SLC17A2: variants seen among roughly 807,000 people sequenced by gnomAD.
The protein encoded by SLC17A2 is sodium-dependent phosphate transport protein 3.
In SLC17A2, 38 loss-of-function variants were observed where a neutral mutation model predicts 52.1. The ratio of observed to expected loss-of-function variants is 0.73; its 90% confidence interval spans 0.56 to 0.96. The LOEUF is 0.96. Among genes scored for constraint, SLC17A2 ranks in the 40% least tolerant of loss-of-function variants. The pLI is 0.00. For synonymous variants in SLC17A2, 226 were observed against 211.9 expected, an observed-to-expected ratio of 1.07 and a Z score of -0.58; for missense variants, 508 against 583.9, an observed-to-expected ratio of 0.87 and a Z score of 1.34.
chr6:25,928,393 A>C (rs548318673), intron 1 of SLC17A2, among the ~76,000 whole-genome samples: 1 of 152,130 alleles, frequency 6.6e-6, no homozygotes, highest in Non-Finnish European at 1.5e-5. Context: ...TGAGCTTTGA[A>C]TATTAAACAT....
At position 25,915,492 on chromosome 6, in the gene SLC17A2, C is replaced by T. The variant is rs543967797; in HGVS notation, c.1211+7G>A. ...GGAGGAGGGGAAAAAACAGGTAGAG[C>T]TCTTACCTGGGGGCGATATCTAAGG... On this transcript the variant is annotated splice_region_variant and intron_variant, in intron 10 of 11. Coordinates refer to ENST00000377850, the MANE Select transcript of SLC17A2 (RefSeq NM_001286123.3). The T allele has an allele frequency of 2.5e-5, 38 of 1,547,994 alleles. No homozygotes were observed. The African/African-American group carries it at 4.5e-4, about 18-fold the overall frequency.
At chr6:25,915,160 T>TAC (rs1416544323) in intron 10 of SLC17A2, among the ~76,000 whole-genome samples, 1 of 114,056 alleles carries the variant, frequency 8.8e-6, no homozygotes, top group Non-Finnish European at 1.7e-5. Context: ...TATATATATA[T>TAC]ATATATATAT....
Position 25,915,513 on chromosome 6 carries a change from T to G in SLC17A2, c.1197A>C (p.Leu399Phe). 1 of 1,553,764 alleles carries G rather than the reference T, an allele frequency of 6.4e-7. No individual in the cohort carries two copies. The highest frequency in any genetic ancestry group is 1.2e-5 in the South Asian group (1 of 84,412). The change falls in exon 10 of 12, where the codon TTA (leucine) becomes TTC (phenylalanine). Residue 399 changes from leucine to phenylalanine, a missense_variant. By Grantham distance (22) the Leu-to-Phe change is conservative. Transcript: ENST00000377850. ...LCDSGFIINT[L>F]DIAPRYASFL... Reference sequence around the variant, plus strand: ...AGAGCTCTTACCTGGGGGCGATATCTAAGGTGTTGATGATAAACCCTGAGT... The same window carrying G: ...AGAGCTCTTACCTGGGGGCGATATCGAAGGTGTTGATGATAAACCCTGAGT...
In SLC17A2 at chr6:25,925,911, C is replaced by G. The variant is rs1766747844; in HGVS notation, c.-83-32G>C. 1.5e-5 allele frequency: 16 copies of G among 1,102,762 alleles called. No homozygotes were observed. In the Admixed American group the frequency reaches 2.7e-4, roughly 19 times the overall value. The allele number at this position is 1,102,762 out of a possible 1,614,324, so 68.3% of individuals were successfully genotyped here. On this transcript the variant is annotated intron_variant, in intron 1 of 11. Coordinates refer to ENST00000377850, the MANE Select transcript of SLC17A2 (RefSeq NM_001286123.3). Reference sequence around the variant, plus strand: ...AGAGAACATAATCCAAAACATAATACACAAATAATTTCCCCTTGTTAATGT... The same window carrying G: ...AGAGAACATAATCCAAAACATAATAGACAAATAATTTCCCCTTGTTAATGT...
At chr6:25,925,965 T>C (rs1766750508) in intron 1 of SLC17A2, 86 bp from the exon 2 acceptor site, 1 of 732,774 alleles carries the variant, frequency 1.4e-6, no homozygotes, top group Non-Finnish European at 2.5e-6. Flanking sequence ...GTAAAAGTTT[T>C]GACCCAACAC....
At chr6:25,916,925 T>A in intron 7 of SLC17A2, 44 bp downstream of exon 7, 1 of 1,604,224 alleles carries the variant, frequency 6.2e-7, no homozygotes. Flanking sequence ...CACCCTGCCC[T>A]AGAGACCTCT....
At chr6:25,929,176 C>T (rs73385071) in intron 1 of SLC17A2, among the ~76,000 whole-genome samples, 4,783 of 152,156 alleles carry the variant, frequency 0.031, 240 homozygotes, top group African/African-American at 0.1. Context: ...AGAGCATGAA[C>T]CTGCAGTGGG....
intron 3 of SLC17A2, 57 bp downstream of exon 3, chr6:25,923,638 G>T: frequency 7.8e-7 from 1 of 1,284,280 alleles, no homozygotes; most frequent in Non-Finnish European, 1.1e-6. Flanking sequence ...CAAGATCTAT[G>T]CCTTCCTTTC....
chr6:25,915,171 ATATATATG>A (rs1766258284), intron 10 of SLC17A2, among the ~76,000 whole-genome samples: 1 of 130,840 alleles, frequency 7.6e-6, no homozygotes, highest in African/African-American at 3.0e-5. Context: ...ATATATATAT[ATATATATG>A]GTAGCTAATA....
chr6:25,913,568 G>T, intron 11 of SLC17A2, 117 bp from the exon 12 acceptor site: 2 of 949,002 alleles, frequency 2.1e-6, no homozygotes, highest in Non-Finnish European at 1.6e-6. Flanking sequence ...GGAACAATGT[G>T]CAGTAGTTAC....
In SLC17A2 at chr6:25,923,881, A is replaced by C; in HGVS notation, c.54T>G (p.Tyr18Ter). ...AGAAGTGCATGATAAGAGCCAGCCC[A>C]TAGCGTAATGAACAGAAATCTGGAC... ...RKGPDFCSLR[Y>*]GLALIMHFSN... Residue 18 changes from tyrosine to a stop codon, truncating the protein, a stop_gained, in exon 3 of 12, where the codon TAT (tyrosine) becomes TAG (stop). Coordinates refer to ENST00000377850, the MANE Select transcript of SLC17A2 (RefSeq NM_001286123.3). LOFTEE classifies it high-confidence loss of function. 2 of 1,614,186 alleles carry C rather than the reference A, an allele frequency of 1.2e-6. No individual in the cohort carries two copies. Among genetic ancestry groups the C allele is most frequent in the Non-Finnish European group, 1.7e-6 (2 of 1,180,044 alleles).
intron 1 of SLC17A2, among the ~76,000 whole-genome samples, chr6:25,928,503 C>T (rs1366400328): frequency 2.0e-5 from 3 of 152,040 alleles, no homozygotes; most frequent in Non-Finnish European, 4.4e-5. Context: ...TGCTGTCTAA[C>T]GAGAAAGGAT....
At chr6:25,928,897 G>T (rs1766855693) in intron 1 of SLC17A2, among the ~76,000 whole-genome samples, 1 of 151,908 alleles carries the variant, frequency 6.6e-6, no homozygotes, top group Non-Finnish European at 1.5e-5. Flanking sequence ...AAAATGAATT[G>T]AAATTAAGTT....
At chr6:25,915,985 A>C in intron 8 of SLC17A2, 117 bp from the exon 9 acceptor site, 1 of 885,548 alleles carries the variant, frequency 1.1e-6, no homozygotes, top group Non-Finnish European at 1.7e-6. Flanking sequence ...TTTGGGGGAA[A>C]ATTAGCATCC....
intron 1 of SLC17A2, among the ~76,000 whole-genome samples, chr6:25,927,066 AAAAC>A (rs1254533766): frequency 1.3e-5 from 2 of 152,226 alleles, no homozygotes; most frequent in South Asian, 2.1e-4. Context: ...AATCCGTCTC[AAAAC>A]AAACAAACAA....
At chr6:25,914,334 T>C (rs1766218370) in intron 11 of SLC17A2, among the ~76,000 whole-genome samples, 1 of 152,218 alleles carries the variant, frequency 6.6e-6, no homozygotes, top group Admixed American at 6.5e-5. Flanking sequence ...CATGTACCTC[T>C]AGGAAGTCAC....
chr6:25,925,537 C>G (rs897921730), intron 2 of SLC17A2, among the ~76,000 whole-genome samples: 1 of 151,204 alleles, frequency 6.6e-6, no homozygotes, highest in Admixed American at 6.6e-5. Flanking sequence ...AAGACTTTCC[C>G]AAAACTTATT....
At chr6:25,915,893 G>T in intron 8 of SLC17A2, 25 bp from the exon 9 acceptor site, 3 of 1,609,166 alleles carry the variant, frequency 1.9e-6, no homozygotes, top group Non-Finnish European at 2.5e-6. Context: ...TTTATACAGA[G>T]TAGTTATAGA....
intron 2 of SLC17A2, 74 bp from the exon 3 acceptor site, chr6:25,923,980 G>A (rs193263865): frequency 1.3e-5 from 16 of 1,191,190 alleles, no homozygotes; most frequent in Admixed American, 9.2e-5. Flanking sequence ...CTCACAGCTC[G>A]ATCTGATAGA....
Sources: gnomAD v4.1 joint callset for allele counts (sites outside exome capture counted in the v4.1 genomes callset) on GRCh38, gnomAD v4.1.1 for gene constraint, MANE v1.5 for transcripts, NCBI Gene and HGNC (gene_info 2026-07-23, HGNC 2026-07-21) for gene names.